PAOX: variants seen among roughly 807,000 people sequenced by gnomAD.
PAOX encodes the protein peroxisomal N(1)-acetyl-spermine/spermidine oxidase.
Under a neutral mutation model 39.0 loss-of-function variants are expected in PAOX, and 38 were observed. The observed-to-expected ratio is 0.97, with a 90% CI of 0.75 to 1.28. The LOEUF (loss-of-function observed/expected upper bound fraction) is 1.28, where lower values mean the gene tolerates loss of function less well. PAOX is among the 50% of genes most tolerant of loss of function. PAOX has a pLI of 0.00. For missense variants in PAOX, 667 were observed against 685.7 expected, an observed-to-expected ratio of 0.97 and a Z score of 0.30; for synonymous variants, 311 against 314.4, an observed-to-expected ratio of 0.99 and a Z score of 0.11.
At chr10:133,382,315 T>G (rs2185745) in intron 3 of PAOX, among the ~76,000 whole-genome samples, 127,051 of 148,446 alleles carry the variant, frequency 0.86, 54,590 homozygotes, top group East Asian at 0.97. Flanking sequence ...AGCTAGCGAT[T>G]GCCAGCACTC....
intron 4 of PAOX, among the ~76,000 whole-genome samples, chr10:133,387,485 C>A (rs1589898277): frequency 6.6e-6 from 1 of 152,306 alleles, no homozygotes; most frequent in East Asian, 1.9e-4. Flanking sequence ...TTGTCATTGT[C>A]TATAAATACT....
chr10:133,389,060 G>A lies in PAOX; in HGVS notation c.1226G>A (p.Arg409Lys), dbSNP rs61748925. ...VLLCLTQVLRRVTGNPRLPAP... is the reference protein window; with the variant it reads ...VLLCLTQVLRKVTGNPRLPAP... The stretch of plus-strand genomic sequence containing the variant: ...CTGTGTCTCACCCAAGTGCTCCGGA[G>A]AGTGACAGGTAGGTACTCACCACAC... Residue 409 changes from arginine to lysine, a missense_variant, in exon 5 of 7, where the codon AGA (arginine) becomes AAA (lysine). By Grantham distance (26) the Arg-to-Lys change is conservative. Coordinates refer to ENST00000278060, the MANE Select transcript of PAOX (RefSeq NM_152911.4). 2,340 of 1,612,612 alleles carry A rather than the reference G, an allele frequency of 1.5e-3. 41 individuals are homozygous for A. In the African/African-American group the frequency reaches 0.028, roughly 19 times the overall value.
chr10:133,384,694 T>C lies in PAOX; in HGVS notation c.1121+482T>C, dbSNP rs1849488312. 6.6e-6 allele frequency among the ~76,000 whole-genome samples: 1 copy of C among 152,212 alleles called. No homozygotes were observed. The highest frequency in any genetic ancestry group is 1.5e-5 in the Non-Finnish European group (1 of 68,024). ...TTAGAAACAGCATATCTAGACCACG[T>C]GGCGATTCAGGAGTTAATCCCATGA... On this transcript the variant is annotated intron_variant, in intron 4 of 6. Coordinates refer to ENST00000278060, the MANE Select transcript of PAOX (RefSeq NM_152911.4). This position sits in a 1 kb window ranked among gnomAD's most constrained non-coding sequence, Gnocchi z 4.3.
intron 4 of PAOX, among the ~76,000 whole-genome samples, chr10:133,387,760 G>A (rs190163522): frequency 1.3e-5 from 2 of 152,182 alleles, no homozygotes; most frequent in South Asian, 2.1e-4. Context: ...TTACTCTGTC[G>A]CCCAGGCTGG....
intron 4 of PAOX, among the ~76,000 whole-genome samples, chr10:133,387,473 C>T (rs1479879454): frequency 6.6e-6 from 1 of 152,174 alleles, no homozygotes; most frequent in Non-Finnish European, 1.5e-5. Context: ...AGAGCTTAAA[C>T]TTTGTCATTG....
At chr10:133,379,602 G>C in intron 1 of PAOX, 105 bp downstream of exon 1, 1 of 969,948 alleles carries the variant, frequency 1.0e-6, no homozygotes. Flanking sequence ...CCGCCTCACC[G>C]GGCTCCCCGA....
At position 133,389,041 on chromosome 10, in the gene PAOX, CT is replaced by C. The variant is rs749590190; in HGVS notation, c.1208del (p.Leu403ProfsTer8). ...TLSDEEVLLC[L>X]TQVLRRVTGN... ...GTCGGATGAAGAAGTACTTCTGTGT[CT>C]CACCCAAGTGCTCCGGAGAGTGACA... On this transcript the variant is annotated frameshift_variant, in exon 5 of 7. Coordinates refer to ENST00000278060, the MANE Select transcript of PAOX (RefSeq NM_152911.4). LOFTEE classifies it high-confidence loss of function. 3.1e-6 allele frequency: 5 copies of C among 1,613,952 alleles called. No homozygotes were observed. In the African/African-American group the frequency reaches 6.7e-5, roughly 22 times the overall value.
At position 133,380,407 on chromosome 10, in the gene PAOX, C is replaced by A. The variant is rs1266436226; in HGVS notation, c.590C>A (p.Thr197Asn). ...AACCTGGAATGCTGTGTGAGCGGCA[C>A]CCACAGCATGGACCTGGTGGCCCTG... ...FFNLECCVSG[T>N]HSMDLVALAP... The change falls in exon 2 of 7, where the codon ACC (threonine) becomes AAC (asparagine). Residue 197 changes from threonine to asparagine, a missense_variant. Physicochemically the swap from Thr to Asn is moderately conservative, Grantham distance 65. Transcript: ENST00000278060. 1 of 1,612,844 alleles carries A rather than the reference C, an allele frequency of 6.2e-7. No individual in the cohort carries two copies. Among genetic ancestry groups the A allele is most frequent in the South Asian group, 1.1e-5 (1 of 91,084 alleles).
Position 133,389,621 on chromosome 10 carries a change from C to T in PAOX, c.1266C>T (p.Val422=), listed in dbSNP as rs1849617254. Residue 422 remains valine, a synonymous_variant, in exon 6 of 7, where the codon GTC becomes GTT. Coordinates refer to ENST00000278060, the MANE Select transcript of PAOX (RefSeq NM_152911.4). ...GNPRLPAPKS[V]LRSRWHSAPY... The stretch of plus-strand genomic sequence containing the variant: ...CACGGCTCCCCGCGCCCAAGAGCGT[C>T]CTGCGGTCTCGCTGGCACAGCGCCC... 3 of 1,613,554 alleles carry T rather than the reference C, an allele frequency of 1.9e-6. No individual in the cohort carries two copies. The highest frequency in any genetic ancestry group is 2.5e-6 in the Non-Finnish European group (3 of 1,180,024).
At chr10:133,379,734 G>A in intron 1 of PAOX, 1 of 536,146 alleles carries the variant, frequency 1.9e-6, no homozygotes, top group East Asian at 3.2e-5. Flanking sequence ...CCCTGATTCT[G>A]CCCCACGGGG....
intron 6 of PAOX, among the ~76,000 whole-genome samples, chr10:133,390,112 C>CA (rs1305495913): frequency 1.3e-5 from 2 of 152,088 alleles, no homozygotes; most frequent in African/African-American, 4.8e-5. Context: ...TGCAAAATGT[C>CA]AAACATACTA....
At chr10:133,379,569 C>A in intron 1 of PAOX, 72 bp downstream of exon 1, 1 of 1,170,886 alleles carries the variant, frequency 8.5e-7, no homozygotes, top group Non-Finnish European at 1.1e-6. Flanking sequence ...CCAACCTGCC[C>A]TGCGCGCAGC....
chr10:133,391,244 T>C, intron 6 of PAOX, 68 bp from the exon 7 acceptor site: 2 of 1,496,310 alleles, frequency 1.3e-6, no homozygotes, highest in Non-Finnish European at 1.9e-6. Flanking sequence ...AGCCATTTTC[T>C]GTGTTTCCTT....
At chr10:133,379,657 A>C in intron 1 of PAOX, 160 bp downstream of exon 1, 2 of 649,806 alleles carry the variant, frequency 3.1e-6, no homozygotes, top group East Asian at 3.5e-5. Context: ...CCGCCCCGAA[A>C]CTCAGGGCTC....
chr10:133,385,886 A>T (rs1849518417), intron 4 of PAOX, among the ~76,000 whole-genome samples: 1 of 152,066 alleles, frequency 6.6e-6, no homozygotes, highest in Non-Finnish European at 1.5e-5. Flanking sequence ...CCCAGTCACC[A>T]CATGATAAAT....
In PAOX at chr10:133,380,057, C is replaced by T. The variant is rs772168601; in HGVS notation, c.240C>T (p.Val80=). 31 of 1,526,924 alleles carry T rather than the reference C, an allele frequency of 2.0e-5. No individual in the cohort carries two copies. The South Asian group carries it at 2.6e-4, about 13-fold the overall frequency. The allele number at this position is 1,526,924 out of a possible 1,614,324, so 94.6% of individuals were successfully genotyped here. The change falls in exon 2 of 7, where the codon GTC becomes GTT. Residue 80 remains valine (V), a synonymous_variant. Coordinates refer to ENST00000278060, the MANE Select transcript of PAOX (RefSeq NM_152911.4). ...WIHGPSRGNP[V]FQLAAEYGLL... ...ATGGGCCCTCCCGGGGTAACCCCGTCTTCCAGCTGGCTGCTGAGTACGGGC... is the reference window on the plus strand; with the variant it reads ...ATGGGCCCTCCCGGGGTAACCCCGTTTTCCAGCTGGCTGCTGAGTACGGGC...
intron 6 of PAOX, 27 bp downstream of exon 6, chr10:133,389,774 C>T (rs755084746): frequency 1.0e-4 from 146 of 1,437,102 alleles, no homozygotes; most frequent in Non-Finnish European, 1.2e-4. Flanking sequence ...AGTCGGGGGG[C>T]GTGGGTCCCG....
At chr10:133,380,651 C>T (rs1453944956) in intron 2 of PAOX, among the ~76,000 whole-genome samples, 166 bp downstream of exon 2, 1 of 152,096 alleles carries the variant, frequency 6.6e-6, no homozygotes, top group East Asian at 1.9e-4. Context: ...TCATTTAAGC[C>T]AAAAAAGTTA....
chr10:133,379,847 A>G (rs1849303707), intron 1 of PAOX, 152 bp from the exon 2 acceptor site: 1 of 1,043,006 alleles, frequency 9.6e-7, no homozygotes, highest in East Asian at 2.6e-5. Context: ...ACTGGGTCTG[A>G]CAGGGCCCTG....
Sources: allele counts gnomAD v4.1 joint callset (sites outside exome capture counted in the v4.1 genomes callset), GRCh38; gene constraint gnomAD v4.1.1; non-coding constraint Gnocchi (gnomAD v3.1); transcripts MANE v1.5; gene names NCBI Gene and HGNC (gene_info 2026-07-23, HGNC 2026-07-21).